The following FBXL20 variants were observed in gnomAD, a reference collection of about 807,000 sequenced individuals.
FBXL20 encodes F-box/LRR-repeat protein 20.
FBXL20 carries 11 observed loss-of-function variants against 64.0 expected under a neutral mutation model. The observed-to-expected ratio is 0.17, with a 90% CI of 0.11 to 0.28. The LOEUF (loss-of-function observed/expected upper bound fraction) is 0.28, where lower values mean the gene tolerates loss of function less well. Ranked by LOEUF, FBXL20 falls within the 10% of genes least tolerant of loss-of-function variation. FBXL20 has a pLI of 1.00. For missense variants in FBXL20, 303 were observed against 526.2 expected (o/e 0.58, Z 4.15); for synonymous variants, 184 against 189.0 (o/e 0.97, Z 0.22).
At chr17:39,309,066 A>G (rs2047208824) in intron 2 of FBXL20, among the ~76,000 whole-genome samples, 1 of 152,210 alleles carries the variant, frequency 6.6e-6, no homozygotes, top group Non-Finnish European at 1.5e-5. Flanking sequence ...AAGTTCCAGC[A>G]AAGCCATTTT....
At chr17:39,362,437 C>T (rs1422727639) in intron 1 of FBXL20, among the ~76,000 whole-genome samples, 1 of 152,206 alleles carries the variant, frequency 6.6e-6, no homozygotes, top group Non-Finnish European at 1.5e-5. Flanking sequence ...CCATCTCCTG[C>T]CTCAGCCTCC....
Position 39,338,893 on chromosome 17 carries a change from A to G in FBXL20, c.104+4287T>C, listed in dbSNP as rs138543777. 1.4e-3 allele frequency among the ~76,000 whole-genome samples: 218 copies of G among 152,266 alleles called. 1 individual carries two copies. Among genetic ancestry groups the G allele is most frequent in the African/African-American group, 4.7e-3 (194 of 41,562 alleles). On this transcript the variant is annotated intron_variant, in intron 2 of 14. Transcript: ENST00000264658. Reference sequence around the variant, plus strand: ...TTCTTTAAAATTATCAACCCTGGGTAAAACAGCTCATGCCTGTAATTCCAG... The same window carrying G: ...TTCTTTAAAATTATCAACCCTGGGTGAAACAGCTCATGCCTGTAATTCCAG...
chr17:39,338,073 A>T (rs937201908), intron 2 of FBXL20, among the ~76,000 whole-genome samples: 5 of 152,162 alleles, frequency 3.3e-5, no homozygotes, highest in African/African-American at 1.2e-4. Flanking sequence ...CATGATGACA[A>T]TGGCGCTTTT....
At chr17:39,400,770 C>G (rs900421729) in intron 1 of FBXL20, among the ~76,000 whole-genome samples, 1 of 152,106 alleles carries the variant, frequency 6.6e-6, no homozygotes, top group Non-Finnish European at 1.5e-5. Context: ...TCCAAGGGTT[C>G]CCAAGGAACA....
At chr17:39,319,565 A>T (rs904960764) in intron 2 of FBXL20, among the ~76,000 whole-genome samples, 2 of 151,396 alleles carry the variant, frequency 1.3e-5, no homozygotes, top group Non-Finnish European at 2.9e-5. Flanking sequence ...GGCACTTGTA[A>T]TCCCAACTAG....
chr17:39,267,348 T>TA (rs1567856171), intron 12 of FBXL20, among the ~76,000 whole-genome samples: 2 of 152,028 alleles, frequency 1.3e-5, no homozygotes, highest in Non-Finnish European at 2.9e-5. Flanking sequence ...ACCCTGTCTC[T>TA]AAAAAAATCT....
At chr17:39,303,661 A>T in intron 2 of FBXL20, 22 bp from the exon 3 acceptor site, 1 of 1,593,744 alleles carries the variant, frequency 6.3e-7, no homozygotes, top group Non-Finnish European at 8.6e-7. Flanking sequence ...AGAGAGAAAG[A>T]CAAATTTTAT....
chr17:39,299,047 C>A lies in FBXL20; in HGVS notation c.272G>T (p.Gly91Val). Residue 91 changes from glycine (G) to valine (V), a missense_variant, in exon 5 of 15, where the codon GGC (glycine) becomes GTC (valine). By Grantham distance (109) the Gly-to-Val change is moderately radical. This residue lies in a region of FBXL20 where 246 missense variants were observed against 422.6 expected (regional missense o/e 0.58). Coordinates refer to ENST00000264658, the MANE Select transcript of FBXL20 (RefSeq NM_032875.3). ...VVENISKRCG[G>V]FLRKLSLRGC... Reference sequence around the variant, plus strand: ...ACGAAGACTTAACTTTCGTAAAAAGCCCCCACATCGTTTTGAAATATTCTC... The same window carrying A: ...ACGAAGACTTAACTTTCGTAAAAAGACCCCACATCGTTTTGAAATATTCTC... 1 of 1,613,728 alleles carries A rather than the reference C, an allele frequency of 6.2e-7. No homozygotes were observed. The highest frequency in any genetic ancestry group is 8.5e-7 in the Non-Finnish European group (1 of 1,179,884).
Position 39,349,351 on chromosome 17 carries a change from A to AAGGCTGGG in FBXL20, c.43-6118_43-6111dup, listed in dbSNP as rs1555611523. Among the ~76,000 whole-genome samples the AAGGCTGGG allele has an allele frequency of 6.5e-3, 858 of 132,268 alleles. 14 individuals carry two copies. The highest frequency in any genetic ancestry group is 0.026 in the African/African-American group (824 of 32,028). 86.8% of individuals were successfully genotyped at this position (132,268 alleles called of 152,430 possible). ...AAAAAAAAAAAAAAAAAAAAAAAAA[A>AAGGCTGGG]AGGCTGGGATTACAGGTATTAAGTC... On this transcript the variant is annotated intron_variant, in intron 1 of 14. Transcript: ENST00000264658.
intron 2 of FBXL20, among the ~76,000 whole-genome samples, chr17:39,327,660 T>A (rs1450355273): frequency 2.0e-5 from 3 of 151,970 alleles, no homozygotes; most frequent in Non-Finnish European, 4.4e-5. Flanking sequence ...AAGGAGACTT[T>A]AAAAAAAATA....
chr17:39,259,981 T>TAAAAAAA lies in FBXL20; in HGVS notation c.*1472_*1478dup, dbSNP rs754354912. On this transcript the variant is annotated 3_prime_UTR_variant, in exon 15 of 15. Coordinates refer to ENST00000264658, the MANE Select transcript of FBXL20 (RefSeq NM_032875.3). Reference sequence around the variant, plus strand: ...TCTGGGCAAGAGTGAGAACCCGTCTTAAAAAAAAAAAAAAAAAAAAAAAAA... The same window carrying TAAAAAAA: ...TCTGGGCAAGAGTGAGAACCCGTCTTAAAAAAAAAAAAAAAAAAAAAAAAAAAAAAAA... 1.3e-5 allele frequency: 1 copy of TAAAAAAA among 78,510 alleles called. No individual in the cohort carries two copies. The highest frequency in any genetic ancestry group is 5.1e-5 in the African/African-American group (1 of 19,700). 4.9% of individuals were successfully genotyped at this position (78,510 alleles called of 1,614,324 possible).
At chr17:39,375,148 C>G (rs750070501) in intron 1 of FBXL20, among the ~76,000 whole-genome samples, 1 of 152,050 alleles carries the variant, frequency 6.6e-6, no homozygotes, top group Non-Finnish European at 1.5e-5. Flanking sequence ...TCATCAGTGA[C>G]TTTAGTGGTT....
At chr17:39,337,157 C>T (rs1225037874) in intron 2 of FBXL20, among the ~76,000 whole-genome samples, 9 of 152,174 alleles carry the variant, frequency 5.9e-5, no homozygotes, top group Non-Finnish European at 1.2e-4. Context: ...GACTGGTTTT[C>T]GTATTTTTCT....
chr17:39,396,792 A>G (rs1035519872), intron 1 of FBXL20, among the ~76,000 whole-genome samples: 3 of 151,400 alleles, frequency 2.0e-5, no homozygotes, highest in African/African-American at 7.3e-5. Context: ...CGTCTCTACT[A>G]AAAATACAAA....
chr17:39,285,182 G>C (rs559363037), intron 7 of FBXL20, among the ~76,000 whole-genome samples: 1 of 152,296 alleles, frequency 6.6e-6, no homozygotes, highest in East Asian at 1.9e-4. Flanking sequence ...GGGATTACAG[G>C]CGTGAGTCTT....
chr17:39,262,107 C>T (rs2046752028), intron 14 of FBXL20, among the ~76,000 whole-genome samples: 2 of 151,956 alleles, frequency 1.3e-5, no homozygotes, highest in South Asian at 2.1e-4. Flanking sequence ...TGACCTGTGG[C>T]TCTCATTCTC....
In FBXL20 at chr17:39,254,863, G is replaced by A. The variant is rs939853215; in HGVS notation, c.*6597C>T. 1.3e-5 allele frequency: 2 copies of A among 153,370 alleles called. No individual in the cohort carries two copies. Among genetic ancestry groups the A allele is most frequent in the African/African-American group, 4.8e-5 (2 of 41,468 alleles). 9.5% of individuals were successfully genotyped at this position (153,370 alleles called of 1,614,324 possible). A position where few individuals can be genotyped will look rare whatever the true frequency, so the allele number is the denominator to read the frequency against. On this transcript the variant is annotated 3_prime_UTR_variant, in exon 15 of 15. Coordinates refer to ENST00000264658, the MANE Select transcript of FBXL20 (RefSeq NM_032875.3). ...GGATTTTGCTTGTTCATGGTTCTTT[G>A]TAAAACAGCAATAAACCACCCTGGC...
At chr17:39,391,815 T>C (rs1207001367) in intron 1 of FBXL20, among the ~76,000 whole-genome samples, 1 of 151,910 alleles carries the variant, frequency 6.6e-6, no homozygotes, top group African/African-American at 2.4e-5. Context: ...CTTCTCCCTT[T>C]CTTTTTCTTT....
chr17:39,304,692 G>C (rs1218058698), intron 2 of FBXL20, among the ~76,000 whole-genome samples: 2 of 151,622 alleles, frequency 1.3e-5, no homozygotes, highest in African/African-American at 4.8e-5. Flanking sequence ...CCCAGGCTCA[G>C]GTGATTCTCC....
Sources: gnomAD v4.1 joint callset for allele counts (sites outside exome capture counted in the v4.1 genomes callset) on GRCh38, gnomAD v4.1.1 for gene constraint, gnomAD v4.1.1 regional missense constraint, MANE v1.5 for transcripts, NCBI Gene and HGNC (gene_info 2026-07-23, HGNC 2026-07-21) for gene names.